The following DNAH8 variants were observed in gnomAD, a reference collection of about 807,000 sequenced individuals.
DNAH8 encodes the protein axonemal beta dynein heavy chain 8.
DNAH8 carries 382 observed loss-of-function variants against 562.1 expected under a neutral mutation model. The ratio of observed to expected loss-of-function variants is 0.68; its 90% CI spans 0.63 to 0.74. DNAH8 has a LOEUF of 0.74. Among genes scored for constraint, DNAH8 ranks in the 30% least tolerant of loss-of-function variants. The pLI is 0.00. For synonymous variants in DNAH8, 1,881 were observed against 1,919.4 expected, an observed-to-expected ratio of 0.98 and a Z score of 0.52; for missense variants, 5,203 against 5,620.4, an observed-to-expected ratio of 0.93 and a Z score of 2.37.
At chr6:38,813,504 A>T (rs1282451478) in intron 24 of DNAH8, among the ~76,000 whole-genome samples, 1 of 152,064 alleles carries the variant, frequency 6.6e-6, no homozygotes, top group East Asian at 1.9e-4. Flanking sequence ...GTTTACATTT[A>T]TTATAATTTT....
chr6:38,996,787 G>A (rs1561957415), intron 88 of DNAH8, among the ~76,000 whole-genome samples: 1 of 152,198 alleles, frequency 6.6e-6, no homozygotes, highest in Non-Finnish European at 1.5e-5. Flanking sequence ...TGTTAGAGAG[G>A]ACACGGTGAG....
intron 88 of DNAH8, among the ~76,000 whole-genome samples, chr6:38,999,182 G>A (rs2150747457): frequency 6.6e-6 from 1 of 152,278 alleles, no homozygotes; most frequent in South Asian, 2.1e-4. Flanking sequence ...CACTCATCAT[G>A]AAAGTGATTT....
chr6:38,880,009 G>A (rs775143204), intron 53 of DNAH8, among the ~76,000 whole-genome samples: 1 of 152,120 alleles, frequency 6.6e-6, no homozygotes, highest in African/African-American at 2.4e-5. Flanking sequence ...TTGGGAGGCC[G>A]AGTGGGGCAG....
chr6:38,878,221 C>T (rs1778176521), intron 53 of DNAH8, among the ~76,000 whole-genome samples: 1 of 152,100 alleles, frequency 6.6e-6, no homozygotes, highest in African/African-American at 2.4e-5. Context: ...ACTATCAATA[C>T]CCTGAATTCA....
intron 77 of DNAH8, among the ~76,000 whole-genome samples, chr6:38,937,718 T>A (rs1309562766): frequency 6.6e-6 from 1 of 151,998 alleles, no homozygotes. Context: ...ATCAAATGGG[T>A]CTTTTGCTTT....
intron 37 of DNAH8, among the ~76,000 whole-genome samples, chr6:38,849,387 A>G (rs1275552864): frequency 6.6e-6 from 1 of 152,164 alleles, no homozygotes; most frequent in African/African-American, 2.4e-5. Flanking sequence ...AGGCTGTAAC[A>G]AAACCTTTAA....
intron 31 of DNAH8, 85 bp downstream of exon 31, chr6:38,832,520 G>T (rs973115752): frequency 2.5e-6 from 2 of 804,442 alleles, no homozygotes; most frequent in Non-Finnish European, 4.1e-6. Flanking sequence ...TGAGGAATAG[G>T]TACGTTGCAT....
At chr6:38,974,296 C>A (rs1488138302) in intron 84 of DNAH8, 78 bp from the exon 85 acceptor site, 3 of 1,138,062 alleles carry the variant, frequency 2.6e-6, no homozygotes, top group Non-Finnish European at 3.7e-6. Context: ...AAAGGATATT[C>A]AGCCTAATAT....
At chr6:38,961,857 A>G (rs1762625131) in intron 82 of DNAH8, among the ~76,000 whole-genome samples, 1 of 152,044 alleles carries the variant, frequency 6.6e-6, no homozygotes, top group South Asian at 2.1e-4. Flanking sequence ...AATCATAAAT[A>G]AAAGATGTAA....
In DNAH8 at chr6:38,929,561, T is replaced by C. The variant is rs551436558; in HGVS notation, c.11169T>C (p.Leu3723=). Residue 3723 remains leucine, a synonymous_variant, in exon 75 of 93, where the codon CTT becomes CTC. Coordinates refer to ENST00000327475, the MANE Select transcript of DNAH8 (RefSeq NM_001206927.2). ...KYFRTHLEDS[L]SLGRPLLIED... ...TTCGCACACACTTGGAGGACAGCCT[T>C]TCCTTGGGCCGACCCCTTCTCATTG... 27 of 1,613,074 alleles carry C rather than the reference T, an allele frequency of 1.7e-5. No individual in the cohort carries two copies. The Middle Eastern group carries it at 6.6e-4, about 39-fold the overall frequency.
chr6:38,958,090 C>T (rs1762370212), intron 82 of DNAH8, among the ~76,000 whole-genome samples: 1 of 147,448 alleles, frequency 6.8e-6, no homozygotes, highest in Non-Finnish European at 1.5e-5. Flanking sequence ...CAAGCTCCGC[C>T]TCCTGGGTTC....
In DNAH8 at chr6:38,935,319, G is replaced by A. The variant is rs9296270; in HGVS notation, c.11458-273G>A. Among the ~76,000 whole-genome samples the A allele has an allele frequency of 0.36, 54,482 of 152,076 alleles. 11,246 individuals carry two copies. Among genetic ancestry groups the A allele is most frequent in the Non-Finnish European group, 0.47 (31,755 of 67,972 alleles). On this transcript the variant is annotated intron_variant, in intron 76 of 92. Transcript: ENST00000327475. ...AACTTAAAGCTGGCAAGAGAGCTTG[G>A]GGTAATTGGGCAAAATTATTTAGCA...
intron 16 of DNAH8, among the ~76,000 whole-genome samples, chr6:38,782,510 G>A (rs1582991552): frequency 6.6e-6 from 1 of 152,162 alleles, no homozygotes; most frequent in Non-Finnish European, 1.5e-5. Context: ...TCCAACTCCT[G>A]ACTTCAGGTA....
chr6:38,761,154 C>T (rs1184864347), intron 10 of DNAH8, among the ~76,000 whole-genome samples: 1 of 149,532 alleles, frequency 6.7e-6, no homozygotes, highest in Non-Finnish European at 1.5e-5. Context: ...TACATGTGCA[C>T]AATGTGCAGG....
chr6:38,949,666 A>G, intron 81 of DNAH8, 96 bp downstream of exon 81: 1 of 737,570 alleles, frequency 1.4e-6, no homozygotes. Flanking sequence ...TATCACTGTC[A>G]TTGAAAGTAA....
chr6:38,817,008 C>T (rs562049532), intron 26 of DNAH8, among the ~76,000 whole-genome samples: 1 of 152,298 alleles, frequency 6.6e-6, no homozygotes, highest in South Asian at 2.1e-4. Context: ...AACTATGTCA[C>T]TTCCACTGTG....
At chr6:38,916,473 T>G (rs770019033) in intron 68 of DNAH8, among the ~76,000 whole-genome samples, 6 of 152,228 alleles carry the variant, frequency 3.9e-5, no homozygotes, top group Non-Finnish European at 7.3e-5. Flanking sequence ...TTTGCCATTT[T>G]CAGAGGTTAT....
intron 88 of DNAH8, among the ~76,000 whole-genome samples, chr6:38,993,716 A>T (rs987307629): frequency 2.6e-5 from 4 of 152,154 alleles, no homozygotes; most frequent in African/African-American, 9.7e-5. Flanking sequence ...TTAACAATGT[A>T]TCCTGTAAAT....
chr6:38,800,616 A>G (rs1211751560), intron 21 of DNAH8, among the ~76,000 whole-genome samples: 1 of 152,148 alleles, frequency 6.6e-6, no homozygotes, highest in Non-Finnish European at 1.5e-5. Flanking sequence ...TCCTGGGTTC[A>G]AGCGATTCTC....
Sources: allele counts gnomAD v4.1 joint callset (sites outside exome capture counted in the v4.1 genomes callset), GRCh38; gene constraint gnomAD v4.1.1; transcripts MANE v1.5; gene names NCBI Gene and HGNC (gene_info 2026-07-23, HGNC 2026-07-21).